CD80: variants seen among roughly 807,000 people sequenced by gnomAD.
The protein encoded by CD80 is T-lymphocyte activation antigen CD80.
CD80 carries 13 observed loss-of-function variants against 27.1 expected under a neutral mutation model. The observed-to-expected ratio is 0.48, with a 90% confidence interval of 0.31 to 0.76. The LOEUF is 0.76. Ranked by LOEUF, CD80 falls within the 30% of genes least tolerant of loss-of-function variation. The pLI, the probability that CD80 is intolerant of heterozygous loss-of-function variation, is 0.04. For synonymous variants in CD80, 125 were observed against 125.5 expected, an observed-to-expected ratio of 1.00 and a Z score of 0.03; for missense variants, 277 against 347.9, an observed-to-expected ratio of 0.80 and a Z score of 1.62.
intron 1 of CD80, among the ~76,000 whole-genome samples, chr3:119,558,962 G>C (rs997442557): frequency 7.9e-5 from 12 of 152,110 alleles, no homozygotes; most frequent in African/African-American, 2.9e-4. Context: ...CCTAGAGCTA[G>C]AGTTCCAGCC....
intron 2 of CD80, among the ~76,000 whole-genome samples, chr3:119,556,903 A>T (rs189123320): frequency 1.3e-5 from 2 of 152,368 alleles, no homozygotes; most frequent in East Asian, 3.8e-4. Context: ...CCTTCTTGAC[A>T]GTCCCAAAAG....
At chr3:119,547,630 TA>T (rs2082208979) in intron 2 of CD80, among the ~76,000 whole-genome samples, 1 of 152,228 alleles carries the variant, frequency 6.6e-6, no homozygotes, top group African/African-American at 2.4e-5. Context: ...TTTGTGTGTA[TA>T]TTTTTTTGAG....
chr3:119,552,958 G>A (rs1169693042), intron 2 of CD80, among the ~76,000 whole-genome samples: 2 of 151,982 alleles, frequency 1.3e-5, no homozygotes, highest in East Asian at 3.9e-4. Flanking sequence ...TGGGGTACAG[G>A]GGAATGAGGA....
At chr3:119,541,829 G>A (rs1321890922) in intron 3 of CD80, among the ~76,000 whole-genome samples, 1 of 152,144 alleles carries the variant, frequency 6.6e-6, no homozygotes, top group Non-Finnish European at 1.5e-5. Context: ...TCGGTTCTGA[G>A]TACCCCAGAA....
intron 4 of CD80, among the ~76,000 whole-genome samples, chr3:119,532,514 A>AATC: frequency 6.7e-6 from 1 of 149,704 alleles, no homozygotes; most frequent in East Asian, 2.0e-4. Context: ...AAAAAAAAAG[A>AATC]AGTGCCATCT....
intron 4 of CD80, 59 bp from the exon 5 acceptor site, chr3:119,529,996 T>G (rs1181387053): frequency 7.3e-6 from 9 of 1,227,836 alleles, no homozygotes; most frequent in Non-Finnish European, 1.1e-5. Context: ...TGATACTCAT[T>G]CTGTGCCTTT....
intron 3 of CD80, among the ~76,000 whole-genome samples, chr3:119,543,778 A>G (rs2082184572): frequency 6.6e-6 from 1 of 152,104 alleles, no homozygotes; most frequent in South Asian, 2.1e-4. Flanking sequence ...AGAGCTTCAA[A>G]TATGCAATAA....
At chr3:119,537,088 T>C in intron 4 of CD80, 49 bp downstream of exon 4, 2 of 1,492,232 alleles carry the variant, frequency 1.3e-6, no homozygotes, top group Non-Finnish European at 9.3e-7. Context: ...GACTATATTG[T>C]CTTTTTAGAT....
intron 4 of CD80, 81 bp from the exon 5 acceptor site, chr3:119,530,018 A>T (rs1306395564): frequency 4.1e-6 from 4 of 978,334 alleles, no homozygotes; most frequent in African/African-American, 1.6e-5. Context: ...CTATTGATGC[A>T]ACTGTGGAGT....
At chr3:119,540,107 T>C (rs13082337) in intron 3 of CD80, among the ~76,000 whole-genome samples, 14,469 of 152,168 alleles carry the variant, frequency 0.095, 809 homozygotes, top group Non-Finnish European at 0.12. Context: ...AGCCCACCAC[T>C]ACCATCTAAT....
intron 5 of CD80, among the ~76,000 whole-genome samples, chr3:119,528,826 T>G (rs2082093032): frequency 8.6e-6 from 1 of 115,678 alleles, no homozygotes. Context: ...CTCAGGAGGC[T>G]GAGGCCGGAT....
At chr3:119,542,722 A>C (rs994763245) in intron 3 of CD80, among the ~76,000 whole-genome samples, 8 of 152,200 alleles carry the variant, frequency 5.3e-5, no homozygotes, top group Non-Finnish European at 1.2e-4. Context: ...GTAGAAACTT[A>C]GTTTATAGTT....
intron 1 of CD80, among the ~76,000 whole-genome samples, chr3:119,559,078 A>G (rs537131846): frequency 6.6e-6 from 1 of 152,316 alleles, no homozygotes; most frequent in East Asian, 1.9e-4. Context: ...GCTCTGTCAC[A>G]CAGGCTAGAG....
intron 2 of CD80, among the ~76,000 whole-genome samples, chr3:119,551,261 T>C (rs1329011640): frequency 6.6e-6 from 1 of 152,184 alleles, no homozygotes; most frequent in African/African-American, 2.4e-5. Flanking sequence ...GGGCTTCAGG[T>C]TCCATCTCTG....
chr3:119,537,378 T>C lies in CD80; in HGVS notation c.459A>G (p.Pro153=), dbSNP rs764695945. 1.2e-6 allele frequency: 2 copies of C among 1,611,822 alleles called. No homozygotes were observed. The highest frequency in any genetic ancestry group is 3.3e-5 in the Admixed American group (2 of 60,022). ...AAATTATCCTTCTAATATTAGAAGTTGGAATTTCAAAGTCAGATATACTAG... is the reference window on the plus strand; with the variant it reads ...AAATTATCCTTCTAATATTAGAAGTCGGAATTTCAAAGTCAGATATACTAG... ...PTPSISDFEI[P]TSNIRRIICS... is the part of the protein sequence containing the mutation. Residue 153 remains proline, a synonymous_variant, in exon 4 of 7, where the codon CCA becomes CCG. Coordinates refer to ENST00000264246, the MANE Select transcript of CD80 (RefSeq NM_005191.4).
intron 4 of CD80, among the ~76,000 whole-genome samples, chr3:119,532,261 G>A (rs1053114141): frequency 3.3e-5 from 5 of 152,064 alleles, no homozygotes; most frequent in Non-Finnish European, 7.4e-5. Flanking sequence ...TGGCACTTTG[G>A]GAGGCCAAGG....
At chr3:119,538,946 C>T (rs2082153344) in intron 3 of CD80, among the ~76,000 whole-genome samples, 2 of 152,010 alleles carry the variant, frequency 1.3e-5, no homozygotes, top group South Asian at 4.1e-4. Context: ...CACCAACACC[C>T]CATACCCCAA....
chr3:119,551,907 C>T (rs1049793454), intron 2 of CD80, among the ~76,000 whole-genome samples: 3 of 152,212 alleles, frequency 2.0e-5, no homozygotes, highest in East Asian at 3.9e-4. Context: ...GCATGGGGAG[C>T]CCCTCCTGCA....
intron 2 of CD80, among the ~76,000 whole-genome samples, chr3:119,549,026 G>A (rs1339150935): frequency 6.6e-6 from 1 of 151,650 alleles, no homozygotes; most frequent in Non-Finnish European, 1.5e-5. Flanking sequence ...GACAGAGTGA[G>A]ACTCCGTCTC....
Sources: gnomAD v4.1 joint callset for allele counts (sites outside exome capture counted in the v4.1 genomes callset) on GRCh38, gnomAD v4.1.1 for gene constraint, MANE v1.5 for transcripts, NCBI Gene and HGNC (gene_info 2026-07-23, HGNC 2026-07-21) for gene names.